PTPRM: variants seen among roughly 807,000 people sequenced by gnomAD.
PTPRM encodes receptor-type tyrosine-protein phosphatase mu.
Under a neutral mutation model 186.7 loss-of-function variants are expected in PTPRM, and 47 were observed. That is an observed-to-expected ratio of 0.25 (90% CI 0.20 to 0.32). PTPRM has a LOEUF of 0.32. Ranked by LOEUF, PTPRM falls within the 10% of genes least tolerant of loss-of-function variation. The pLI, the probability that PTPRM is intolerant of heterozygous loss-of-function variation, is 1.00. For missense variants in PTPRM, 1,494 were observed against 1,865.0 expected, an observed-to-expected ratio of 0.80 and a Z score of 3.66; for synonymous variants, 668 against 674.9, an observed-to-expected ratio of 0.99 and a Z score of 0.16.
intron 14 of PTPRM, among the ~76,000 whole-genome samples, chr18:8,220,240 T>C (rs914730462): frequency 6.6e-6 from 1 of 152,218 alleles, no homozygotes; most frequent in Admixed American, 6.5e-5. Context: ...GTGGAAACTA[T>C]GAGTGATGAC....
At chr18:8,032,872 A>G (rs552207769) in intron 7 of PTPRM, among the ~76,000 whole-genome samples, 4 of 152,248 alleles carry the variant, frequency 2.6e-5, no homozygotes, top group Non-Finnish European at 4.4e-5. Context: ...TTAACCCCCT[A>G]TAGGTTAAGG....
intron 11 of PTPRM, among the ~76,000 whole-genome samples, chr18:8,103,448 G>C (rs1340379982): frequency 6.6e-6 from 1 of 152,206 alleles, no homozygotes; most frequent in Non-Finnish European, 1.5e-5. Context: ...GTACTTTTAT[G>C]TTATGAAGAT....
At chr18:7,986,823 G>A (rs73383849) in intron 7 of PTPRM, among the ~76,000 whole-genome samples, 2,197 of 152,212 alleles carry the variant, frequency 0.014, 65 homozygotes, top group African/African-American at 0.051. Flanking sequence ...TATTTGGATA[G>A]GGTCTTTAAG....
chr18:8,386,794 T>C (rs575768135), intron 30 of PTPRM, among the ~76,000 whole-genome samples: 2 of 152,336 alleles, frequency 1.3e-5, no homozygotes, highest in Non-Finnish European at 2.9e-5. Context: ...TCAGTGCTTA[T>C]GCTGTGTTAT....
chr18:8,063,358 T>C (rs1308780596), intron 7 of PTPRM, among the ~76,000 whole-genome samples: 2 of 151,382 alleles, frequency 1.3e-5, no homozygotes, highest in African/African-American at 4.9e-5. Flanking sequence ...TGGCACTCCC[T>C]AGTGAGATGA....
chr18:7,821,817 T>C (rs2045213585), intron 2 of PTPRM, among the ~76,000 whole-genome samples: 1 of 152,202 alleles, frequency 6.6e-6, no homozygotes, highest in Non-Finnish European at 1.5e-5. Flanking sequence ...AGCATGGATC[T>C]ACTGGTCAAA....
At chr18:7,592,119 G>T (rs555191588) in intron 1 of PTPRM, among the ~76,000 whole-genome samples, 73 of 152,278 alleles carry the variant, frequency 4.8e-4, no homozygotes, top group African/African-American at 1.6e-3. Flanking sequence ...TTTGAAGTAA[G>T]AGATACTGTA....
At chr18:8,037,594 A>G (rs1260054328) in intron 7 of PTPRM, among the ~76,000 whole-genome samples, 2 of 152,170 alleles carry the variant, frequency 1.3e-5, no homozygotes, top group African/African-American at 4.8e-5. Context: ...AACAGTCTGA[A>G]TTCCTGTAAA....
intron 1 of PTPRM, among the ~76,000 whole-genome samples, chr18:7,742,765 AAC>A (rs2040908803): frequency 6.6e-6 from 1 of 152,202 alleles, no homozygotes; most frequent in African/African-American, 2.4e-5. Context: ...TCTGGCTCTG[AAC>A]ACAGACTCCA....
chr18:7,915,456 C>T (rs2050501425), intron 4 of PTPRM, among the ~76,000 whole-genome samples: 1 of 132,926 alleles, frequency 7.5e-6, no homozygotes, highest in African/African-American at 2.8e-5. Context: ...AGATTCAGAG[C>T]ATACAGCTCA....
chr18:7,861,469 A>C (rs1232933175), intron 2 of PTPRM, among the ~76,000 whole-genome samples: 1 of 152,190 alleles, frequency 6.6e-6, no homozygotes, highest in African/African-American at 2.4e-5. Context: ...TGACAGCATA[A>C]TATTTAAAAA....
intron 18 of PTPRM, 87 bp from the exon 19 acceptor site, chr18:8,253,140 G>A (rs1401333363): frequency 5.2e-6 from 6 of 1,143,702 alleles, no homozygotes; most frequent in Middle Eastern, 2.5e-4. Context: ...GTGAGGGGAT[G>A]CCAGGAGCCA....
At chr18:7,626,999 C>T (rs1272374175) in intron 1 of PTPRM, among the ~76,000 whole-genome samples, 1 of 152,110 alleles carries the variant, frequency 6.6e-6, no homozygotes, top group African/African-American at 2.4e-5. Context: ...GCTCACTCTC[C>T]CCTCGGCACT....
intron 7 of PTPRM, among the ~76,000 whole-genome samples, chr18:8,034,007 T>A (rs945493512): frequency 6.6e-6 from 1 of 152,158 alleles, no homozygotes; most frequent in Non-Finnish European, 1.5e-5. Flanking sequence ...TCCATCTTCA[T>A]GTGGCCTTCA....
At chr18:8,289,547 TATACATATATATAC>T (rs1568674832) in intron 19 of PTPRM, among the ~76,000 whole-genome samples, 4 of 106,722 alleles carry the variant, frequency 3.7e-5, no homozygotes, top group African/African-American at 1.4e-4. Flanking sequence ...CATATATATA[TATACATATATATAC>T]ACATATATAT....
chr18:8,227,963 G>T (rs1278229796), intron 14 of PTPRM, among the ~76,000 whole-genome samples: 1 of 152,174 alleles, frequency 6.6e-6, no homozygotes, highest in African/African-American at 2.4e-5. Context: ...ATATTGCTGT[G>T]ATGTGAGAAA....
At chr18:7,639,753 T>C (rs552136433) in intron 1 of PTPRM, among the ~76,000 whole-genome samples, 2 of 152,316 alleles carry the variant, frequency 1.3e-5, no homozygotes, top group African/African-American at 4.8e-5. Context: ...AACAAGCAGA[T>C]ATCATCCTGA....
At chr18:8,018,256 G>A (rs2084997908) in intron 7 of PTPRM, among the ~76,000 whole-genome samples, 1 of 152,172 alleles carries the variant, frequency 6.6e-6, no homozygotes, top group South Asian at 2.1e-4. Flanking sequence ...AATAGCCACA[G>A]CACTCCAGCC....
intron 7 of PTPRM, among the ~76,000 whole-genome samples, chr18:7,959,437 C>T (rs760941317): frequency 6.6e-6 from 1 of 152,180 alleles, no homozygotes; most frequent in Admixed American, 6.5e-5. Context: ...CCTGTCCTAT[C>T]ATTTTTTGGT....
Sources: allele counts gnomAD v4.1 joint callset (sites outside exome capture counted in the v4.1 genomes callset), GRCh38; gene constraint gnomAD v4.1.1; transcripts MANE v1.5; gene names NCBI Gene and HGNC (gene_info 2026-07-23, HGNC 2026-07-21).